RBM18: variants seen among roughly 807,000 people sequenced by gnomAD.
RBM18 encodes RNA binding motif protein 18.
A neutral mutation model predicts 26.4 loss-of-function variants in RBM18; 18 were observed. That is an observed-to-expected ratio of 0.68 (90% CI 0.47 to 1.01). The LOEUF is 1.01. RBM18 is among the 50% of genes least tolerant of loss of function. The probability of loss-of-function intolerance (pLI) is 0.00; values close to 1 mark genes in which losing one functional copy is unlikely to be tolerated. For missense variants in RBM18, 180 were observed against 219.2 expected, an observed-to-expected ratio of 0.82 and a Z score of 1.13; for synonymous variants, 74 against 81.1, an observed-to-expected ratio of 0.91 and a Z score of 0.47.
chr9:122,260,025 G>T (rs964099996), intron 2 of RBM18, among the ~76,000 whole-genome samples: 1 of 152,106 alleles, frequency 6.6e-6, no homozygotes, highest in Non-Finnish European at 1.5e-5. Flanking sequence ...TCTAAAGGGA[G>T]TAACTTCTAG....
At position 122,257,875 on chromosome 9, in the gene RBM18, G is replaced by C. The variant is rs564995539; in HGVS notation, c.113+3505C>G. On this transcript the variant is annotated intron_variant, in intron 2 of 5. Coordinates refer to ENST00000417201, the MANE Select transcript of RBM18 (RefSeq NM_033117.4). ...AAGTGGTAGGAACTAGCAGCAATTT[G>C]TGGATAGAAGGTAGGTTTAAACAGG... is the stretch of plus-strand genomic sequence containing the variant. Among the ~76,000 whole-genome samples the C allele has an allele frequency of 2.0e-5, 3 of 152,344 alleles. No homozygotes were observed. The East Asian group carries it at 5.8e-4, about 29-fold the overall frequency.
intron 5 of RBM18, 62 bp downstream of exon 5, chr9:122,245,194 T>A: frequency 1.1e-6 from 1 of 935,418 alleles, no homozygotes; most frequent in South Asian, 1.4e-5. Context: ...AACGAAGACA[T>A]GGAATAATGA....
At chr9:122,254,315 A>G in intron 2 of RBM18, 1 of 965,106 alleles carries the variant, frequency 1.0e-6, no homozygotes, top group Non-Finnish European at 1.2e-6. Context: ...GTGTCTTTCA[A>G]CTTCTCCAGG....
rs539767060 is a variant in RBM18 at position 122,240,043 on chromosome 9, G to T, written c.*1841C>A. The T allele has an allele frequency of 2.6e-5, 4 of 152,300 alleles. No individual in the cohort carries two copies. Among genetic ancestry groups the T allele is most frequent in the African/African-American group, 9.6e-5 (4 of 41,570 alleles). The allele number at this position is 152,300 out of a possible 1,614,324, so 9.4% of individuals were successfully genotyped here. A position where few individuals can be genotyped will look rare whatever the true frequency, so the allele number is the denominator to read the frequency against. On this transcript the variant is annotated 3_prime_UTR_variant, in exon 6 of 6. Transcript: ENST00000417201. The stretch of plus-strand genomic sequence containing the variant: ...TACATTTATTCACACAGAGGGATAA[G>T]AATCAGTACAAATAATAAACAGTGC...
chr9:122,250,466 T>C (rs982080814), intron 3 of RBM18, among the ~76,000 whole-genome samples: 6 of 152,226 alleles, frequency 3.9e-5, no homozygotes, highest in African/African-American at 1.4e-4. Flanking sequence ...TCAAATATGA[T>C]ATATTCACAT....
intron 3 of RBM18, among the ~76,000 whole-genome samples, chr9:122,248,963 C>T (rs1358586241): frequency 6.6e-6 from 1 of 152,176 alleles, no homozygotes; most frequent in Non-Finnish European, 1.5e-5. Flanking sequence ...ACTAATCATC[C>T]TTGCCCCACT....
chr9:122,249,084 T>C (rs543514068), intron 3 of RBM18, among the ~76,000 whole-genome samples: 28 of 150,950 alleles, frequency 1.9e-4, no homozygotes, highest in South Asian at 4.2e-4. Context: ...GGAGCAGTAA[T>C]AAGCTGCCAG....
At chr9:122,260,355 C>G (rs1159243204) in intron 2 of RBM18, among the ~76,000 whole-genome samples, 2 of 151,980 alleles carry the variant, frequency 1.3e-5, no homozygotes, top group East Asian at 1.9e-4. Context: ...AAAACAAAAA[C>G]AAAAACAAAC....
At chr9:122,244,589 A>T (rs1190020588) in intron 5 of RBM18, among the ~76,000 whole-genome samples, 1 of 152,204 alleles carries the variant, frequency 6.6e-6, no homozygotes, top group Non-Finnish European at 1.5e-5. Flanking sequence ...AGTGTTTAGC[A>T]CAGTGCCTGC....
In RBM18 at chr9:122,239,696, A is replaced by T. The variant is rs1422823900; in HGVS notation, c.*2188T>A. On this transcript the variant is annotated 3_prime_UTR_variant, in exon 6 of 6. Transcript: ENST00000417201. ...GGATACATACATTTCTTCTTTTGAA[A>T]TCTCTACCACGAGAGACTAAACACA... 2 of 152,256 alleles carry T rather than the reference A, an allele frequency of 1.3e-5. No individual in the cohort carries two copies. The highest frequency in any genetic ancestry group is 4.8e-5 in the African/African-American group (2 of 41,468). 9.4% of individuals were successfully genotyped at this position (152,256 alleles called of 1,614,324 possible).
At position 122,240,456 on chromosome 9, in the gene RBM18, T is replaced by C. The variant is rs866160116; in HGVS notation, c.*1428A>G. 1 of 152,226 alleles carries C rather than the reference T, an allele frequency of 6.6e-6. No homozygotes were observed. Among genetic ancestry groups the C allele is most frequent in the African/African-American group, 2.4e-5 (1 of 41,456 alleles). The allele number at this position is 152,226 out of a possible 1,614,324, so 9.4% of individuals were successfully genotyped here. ...AACCTCCCTCTACTGAAGTTTTGAT[T>C]CAAATGTCTTAAATTCATTTATACT... On this transcript the variant is annotated 3_prime_UTR_variant, in exon 6 of 6. Coordinates refer to ENST00000417201, the MANE Select transcript of RBM18 (RefSeq NM_033117.4).
At chr9:122,248,766 G>A (rs1472791267) in intron 3 of RBM18, among the ~76,000 whole-genome samples, 1 of 152,220 alleles carries the variant, frequency 6.6e-6, no homozygotes, top group Non-Finnish European at 1.5e-5. Flanking sequence ...CATGTTTAGT[G>A]AGGGTGAAGA....
chr9:122,254,068 AC>A (rs146573886), intron 2 of RBM18, among the ~76,000 whole-genome samples: 9 of 142,804 alleles, frequency 6.3e-5, no homozygotes, highest in Middle Eastern at 7.0e-3. Flanking sequence ...ACACACACAC[AC>A]AAAAAAAACA....
At position 122,264,785 on chromosome 9, in the gene RBM18, C is replaced by A. The variant is rs1277206008; in HGVS notation, c.-87G>T. On this transcript the variant is annotated 5_prime_UTR_variant, in exon 1 of 6. It adds an upstream start codon to the 5' untranslated region. Transcript: ENST00000417201. ...GTCCCGACGCCGCGGTCAGACGGAC[C>A]TCTAGACGCGTCCGCCTCAATGCCG... is the stretch of plus-strand genomic sequence containing the variant. The A allele has an allele frequency of 6.6e-6, 1 of 152,342 alleles. No individual in the cohort carries two copies. Among genetic ancestry groups the A allele is most frequent in the Non-Finnish European group, 1.5e-5 (1 of 68,098 alleles). The allele number at this position is 152,342 out of a possible 1,614,324, so 9.4% of individuals were successfully genotyped here.
rs1831353537 is a variant in RBM18, at chr9:122,237,862, C to T, written c.*4022G>A. ...GTAAATGCCTGGGCATGGTTGTGTT[C>T]TAATAGTTATTAACATACACTGAGA... is the stretch of plus-strand genomic sequence containing the variant. On this transcript the variant is annotated 3_prime_UTR_variant, in exon 6 of 6. Coordinates refer to ENST00000417201, the MANE Select transcript of RBM18 (RefSeq NM_033117.4). The T allele has an allele frequency of 6.6e-6, 1 of 152,072 alleles. No individual in the cohort carries two copies. The highest frequency in any genetic ancestry group is 2.1e-4 in the South Asian group (1 of 4,818). The allele number at this position is 152,072 out of a possible 1,614,324, so 9.4% of individuals were successfully genotyped here. A position where few individuals can be genotyped will look rare whatever the true frequency, so the allele number is the denominator to read the frequency against.
At chr9:122,256,873 G>C (rs1831705550) in intron 2 of RBM18, among the ~76,000 whole-genome samples, 1 of 152,144 alleles carries the variant, frequency 6.6e-6, no homozygotes, top group African/African-American at 2.4e-5. Flanking sequence ...AGATCATTTA[G>C]CTGAACATTC....
intron 5 of RBM18, chr9:122,243,835 T>C (rs1405304457): frequency 4.1e-6 from 4 of 985,032 alleles, no homozygotes; most frequent in African/African-American, 3.5e-5. Flanking sequence ...TCATTAGGCA[T>C]AGATGTTAAT....
chr9:122,245,331 T>C lies in RBM18; in HGVS notation c.338A>G (p.His113Arg), dbSNP rs749114687. The change falls in exon 5 of 6, where the codon CAT (histidine) becomes CGT (arginine). Residue 113 changes from histidine to arginine, a missense_variant. Around this residue, in one of 3 missense-constraint regions of RBM18, gnomAD observed 103 missense variants for 102.8 expected, o/e 1.00. Transcript: ENST00000417201. ...TGGAAGAATCTTATCATTCTTGTTA[T>C]GATCATATCTCTGAAAATGAGAAAT... is the stretch of plus-strand genomic sequence containing the variant. The part of the protein sequence containing the change: ...WAHAQVKRYD[H>R]NKNDKILPIS... 5 of 1,604,652 alleles carry C rather than the reference T, an allele frequency of 3.1e-6. No homozygotes were observed. The highest frequency in any genetic ancestry group is 4.3e-6 in the Non-Finnish European group (5 of 1,171,580).
chr9:122,251,958 C>T lies in RBM18; in HGVS notation c.129G>A (p.Lys43=). The T allele has an allele frequency of 6.2e-7, 1 of 1,614,066 alleles. No individual in the cohort carries two copies. The highest frequency in any genetic ancestry group is 8.5e-7 in the Non-Finnish European group (1 of 1,179,970). ...TTACCTTGCCAAACTTCTGGAGGAG[C>T]TTGAGGAGGTGGTATCTGTGGAGAA... is the stretch of plus-strand genomic sequence containing the variant. ...DPKITEYHLL[K]LLQKFGKVKQ... is the part of the protein sequence containing the mutation. The change falls in exon 3 of 6, where the codon AAG becomes AAA. Residue 43 remains lysine, a synonymous_variant. Coordinates refer to ENST00000417201, the MANE Select transcript of RBM18 (RefSeq NM_033117.4).
Sources: allele counts gnomAD v4.1 joint callset (sites outside exome capture counted in the v4.1 genomes callset), GRCh38; gene constraint gnomAD v4.1.1; regional missense constraint gnomAD v4.1.1; transcripts MANE v1.5; gene names NCBI Gene and HGNC (gene_info 2026-07-23, HGNC 2026-07-21).